Variants in GNB4 observed in about 807,000 individuals in gnomAD.
GNB4 encodes guanine nucleotide-binding protein subunit beta-4.
Under a neutral mutation model 45.2 loss-of-function variants are expected in GNB4, and 28 were observed. That is an observed-to-expected ratio of 0.62 (90% confidence interval 0.46 to 0.85). GNB4 has a LOEUF of 0.85. Ranked by LOEUF, GNB4 falls within the 40% of genes least tolerant of loss-of-function variation. The probability of loss-of-function intolerance (pLI) is 0.00; values close to 1 mark genes in which losing one functional copy is unlikely to be tolerated. For synonymous variants in GNB4, 132 were observed against 143.7 expected, an observed-to-expected ratio of 0.92 and a Z score of 0.58; for missense variants, 321 against 425.4, an observed-to-expected ratio of 0.75 and a Z score of 2.16.
At chr3:179,508,156 A>G in the GNB4 span, among the ~76,000 whole-genome samples, 1 of 152,214 alleles carries the variant, frequency 6.6e-6, no homozygotes, top group Non-Finnish European at 1.5e-5. Flanking sequence ...ATTTTTTATT[A>G]ACTTTTTAAA....
chr3:179,441,581 A>AAAAC (rs542733210), intron 1 of GNB4, among the ~76,000 whole-genome samples: 6 of 151,800 alleles, frequency 4.0e-5, no homozygotes, highest in African/African-American at 1.5e-4. Context: ...TAAAAATACA[A>AAAAC]AAACAAACAA....
At chr3:179,407,506 TCTTACTAC>T (rs373604235) in intron 8 of GNB4, among the ~76,000 whole-genome samples, 7 of 152,238 alleles carry the variant, frequency 4.6e-5, no homozygotes, top group African/African-American at 9.6e-5. Flanking sequence ...AGCTGCTCCA[TCTTACTAC>T]CTTACTACCA....
chr3:179,414,974 C>A lies in GNB4; in HGVS notation c.341G>T (p.Cys114Phe). 2 of 1,612,532 alleles carry A rather than the reference C, an allele frequency of 1.2e-6. No individual in the cohort carries two copies. The highest frequency in any genetic ancestry group is 1.7e-6 in the Non-Finnish European group (2 of 1,178,924). ...AGAGCAGATGTTGTCCAAGCCTCCA[C>A]AGGCAACATAATTACCAGAGGGAGC... ...AYAPSGNYVA[C>F]GGLDNICSIY... The change falls in exon 6 of 10, where the codon TGT becomes TTT. Residue 114 changes from cysteine (C) to phenylalanine (F), a missense_variant. Transcript: ENST00000232564.
At chr3:179,518,442 A>G in the GNB4 span, among the ~76,000 whole-genome samples, 1 of 151,620 alleles carries the variant, frequency 6.6e-6, no homozygotes, top group South Asian at 2.1e-4. Flanking sequence ...CCCAACCACA[A>G]GTGTCGCTGA....
rs1183988064 is a variant in GNB4 at position 179,396,918 on chromosome 3, TTAATC to T, written c.*4290_*4294del. On this transcript the variant is annotated 3_prime_UTR_variant, in exon 10 of 10. Coordinates refer to ENST00000232564, the MANE Select transcript of GNB4 (RefSeq NM_021629.4). ...ATCTGAAATGTACTTCACATTCTAC[TTAATC>T]TAATTTAAAATATAAATTCATTGTG... 1.6e-4 allele frequency: 24 copies of T among 152,348 alleles called. 1 individual carries two copies. Among genetic ancestry groups the T allele is most frequent in the Admixed American group, 1.4e-3 (21 of 15,304 alleles). The allele number at this position is 152,348 out of a possible 1,614,324, so 9.4% of individuals were successfully genotyped here.
the GNB4 span, among the ~76,000 whole-genome samples, chr3:179,493,419 A>G: frequency 6.6e-6 from 1 of 152,108 alleles, no homozygotes; most frequent in Non-Finnish European, 1.5e-5. Flanking sequence ...GAACTGAGGA[A>G]TACAATGATT....
chr3:179,433,297 G>T (rs1002322391), intron 1 of GNB4, among the ~76,000 whole-genome samples: 15 of 152,018 alleles, frequency 9.9e-5, no homozygotes, highest in African/African-American at 3.6e-4. Flanking sequence ...CAACATAGGG[G>T]AGCAGAATCT....
chr3:179,417,104 A>AAAATAAAT (rs1714821480), intron 4 of GNB4, among the ~76,000 whole-genome samples: 1 of 152,176 alleles, frequency 6.6e-6, no homozygotes, highest in Admixed American at 6.5e-5. Flanking sequence ...GCCACAGGAG[A>AAAATAAAT]GTAAAGGAGG....
chr3:179,454,791 A>G (rs1450198715), upstream of GNB4, among the ~76,000 whole-genome samples: 2 of 152,190 alleles, frequency 1.3e-5, no homozygotes, highest in African/African-American at 4.8e-5. Context: ...GCCAAATTAT[A>G]TACATACAAC....
At chr3:179,489,502 A>G in the GNB4 span, among the ~76,000 whole-genome samples, 1 of 152,108 alleles carries the variant, frequency 6.6e-6, no homozygotes. Flanking sequence ...TTAGCTGGGC[A>G]TGGTTGTACA....
chr3:179,440,882 G>A (rs1715578144), intron 1 of GNB4, among the ~76,000 whole-genome samples: 1 of 145,880 alleles, frequency 6.9e-6, no homozygotes, highest in South Asian at 2.2e-4. Context: ...TAGATAGATA[G>A]AGAGAGAGAG....
the GNB4 span, among the ~76,000 whole-genome samples, chr3:179,468,833 C>A: frequency 6.6e-6 from 1 of 152,114 alleles, no homozygotes; most frequent in East Asian, 1.9e-4. Context: ...CTTTCTGGGT[C>A]TTTTTCCTGA....
chr3:179,438,647 T>A (rs1715521433), intron 1 of GNB4, among the ~76,000 whole-genome samples: 1 of 152,174 alleles, frequency 6.6e-6, no homozygotes, highest in African/African-American at 2.4e-5. Context: ...TTTAACTACT[T>A]CTTCCTCTAC....
At chr3:179,424,449 TA>T (rs1255752385) in intron 2 of GNB4, among the ~76,000 whole-genome samples, 1 of 152,264 alleles carries the variant, frequency 6.6e-6, no homozygotes, top group East Asian at 1.9e-4. Flanking sequence ...TTTCAACTCA[TA>T]ATTCTTATTC....
At chr3:179,489,029 TATATATATATATATATA>T in the GNB4 span, among the ~76,000 whole-genome samples, 4 of 65,788 alleles carry the variant, frequency 6.1e-5, no homozygotes, top group African/African-American at 2.7e-4. Flanking sequence ...AATATATATA[TATATATATATATATATA>T]ATATATATGT....
chr3:179,514,780 C>T, the GNB4 span, among the ~76,000 whole-genome samples: 1 of 152,172 alleles, frequency 6.6e-6, no homozygotes, highest in Non-Finnish European at 1.5e-5. Context: ...CATCTTGGAG[C>T]TCCAGCTTCC....
the GNB4 span, among the ~76,000 whole-genome samples, chr3:179,465,786 A>G: frequency 4.7e-5 from 7 of 148,482 alleles, no homozygotes; most frequent in African/African-American, 1.3e-4. Context: ...AGCCTTAAAT[A>G]GATAATTTTT....
the GNB4 span, among the ~76,000 whole-genome samples, chr3:179,470,190 T>A: frequency 6.6e-6 from 1 of 152,242 alleles, no homozygotes; most frequent in African/African-American, 2.4e-5. Flanking sequence ...ACACTATACT[T>A]TTTATTGTTA....
the GNB4 span, among the ~76,000 whole-genome samples, chr3:179,510,742 C>T: frequency 1.3e-5 from 2 of 152,134 alleles, no homozygotes; most frequent in African/African-American, 2.4e-5. Context: ...TCTTTGCACA[C>T]GTTTGCCTTG....
Sources: allele counts gnomAD v4.1 joint callset (sites outside exome capture counted in the v4.1 genomes callset), GRCh38; gene constraint gnomAD v4.1.1; transcripts MANE v1.5; gene names NCBI Gene and HGNC (gene_info 2026-07-23, HGNC 2026-07-21).